Variants in TBC1D5 observed in about 807,000 individuals in gnomAD.
TBC1D5 encodes the protein TBC1 domain family member 5.
A neutral mutation model predicts 100.3 loss-of-function variants in TBC1D5; 75 were observed. That is an observed-to-expected ratio of 0.75 (90% CI 0.62 to 0.91). The LOEUF (loss-of-function observed/expected upper bound fraction) is 0.91, where lower values mean the gene tolerates loss of function less well. Among genes scored for constraint, TBC1D5 ranks in the 40% least tolerant of loss-of-function variants. The pLI is 0.00. For synonymous variants in TBC1D5, 323 were observed against 325.6 expected (o/e 0.99, Z 0.09); for missense variants, 910 against 942.4 (o/e 0.97, Z 0.45).
intron 1 of TBC1D5, among the ~76,000 whole-genome samples, chr3:17,721,385 A>T (rs1207769626): frequency 6.6e-6 from 1 of 152,174 alleles, no homozygotes; most frequent in Non-Finnish European, 1.5e-5. Flanking sequence ...ATATTAAAAA[A>T]TTCAGGTTTA....
At chr3:17,721,004 T>C (rs1487400777) in intron 1 of TBC1D5, among the ~76,000 whole-genome samples, 1 of 151,742 alleles carries the variant, frequency 6.6e-6, no homozygotes, top group Admixed American at 6.6e-5. Context: ...AACGCCTGAG[T>C]AATTTTTGTA....
chr3:17,514,118 G>T (rs1376494037), intron 2 of TBC1D5, among the ~76,000 whole-genome samples: 8 of 152,120 alleles, frequency 5.3e-5, no homozygotes, highest in Non-Finnish European at 1.0e-4. Context: ...GATCTTTAAT[G>T]CAAGAGGGTT....
chr3:17,612,545 C>T (rs1430380570), intron 2 of TBC1D5, among the ~76,000 whole-genome samples: 1 of 151,478 alleles, frequency 6.6e-6, no homozygotes, highest in Non-Finnish European at 1.5e-5. Flanking sequence ...CAGGAGAATA[C>T]CTTGAACCCG....
At chr3:17,600,717 T>C (rs2153589698) in intron 2 of TBC1D5, among the ~76,000 whole-genome samples, 1 of 152,330 alleles carries the variant, frequency 6.6e-6, no homozygotes, top group Admixed American at 6.5e-5. Context: ...TAATATTTTC[T>C]ATTTTGGATT....
chr3:17,544,042 A>AT (rs1004591764), intron 2 of TBC1D5, among the ~76,000 whole-genome samples: 10 of 151,484 alleles, frequency 6.6e-5, no homozygotes, highest in Non-Finnish European at 1.5e-4. Context: ...TAATTTTTGT[A>AT]TTTTTTTAGT....
chr3:17,522,023 A>G (rs1270262160), intron 2 of TBC1D5, among the ~76,000 whole-genome samples: 1 of 152,138 alleles, frequency 6.6e-6, no homozygotes, highest in Non-Finnish European at 1.5e-5. Context: ...TTCCAATTGT[A>G]GTAGAAGACT....
intron 1 of TBC1D5, among the ~76,000 whole-genome samples, chr3:17,656,964 T>C (rs993747314): frequency 6.6e-6 from 1 of 152,134 alleles, no homozygotes; most frequent in African/African-American, 2.4e-5. Context: ...GGGAAAGTCA[T>C]TATCCTATGA....
intron 19 of TBC1D5, among the ~76,000 whole-genome samples, chr3:17,177,597 A>G (rs1265729437): frequency 1.3e-5 from 2 of 152,170 alleles, no homozygotes; most frequent in Non-Finnish European, 2.9e-5. Context: ...TAAATAATTT[A>G]AGTTCTCTTA....
intron 3 of TBC1D5, among the ~76,000 whole-genome samples, chr3:17,501,364 T>A (rs941520894): frequency 6.7e-6 from 1 of 149,598 alleles, no homozygotes; most frequent in Non-Finnish European, 1.5e-5. Context: ...TTAAGAGATG[T>A]GATAAAAGAC....
At chr3:17,310,247 T>A (rs1414614199) in intron 13 of TBC1D5, among the ~76,000 whole-genome samples, 2 of 151,916 alleles carry the variant, frequency 1.3e-5, no homozygotes, top group East Asian at 3.9e-4. Context: ...GAAGGTTAAC[T>A]GCAAACATCT....
chr3:17,199,340 T>C (rs2071152980), intron 18 of TBC1D5, among the ~76,000 whole-genome samples: 1 of 152,220 alleles, frequency 6.6e-6, no homozygotes, highest in Non-Finnish European at 1.5e-5. Flanking sequence ...AAAATGATAT[T>C]ATAGTTTGAC....
chr3:17,376,435 C>G, intron 10 of TBC1D5, 90 bp downstream of exon 10: 1 of 1,074,526 alleles, frequency 9.3e-7, no homozygotes, highest in South Asian at 1.5e-5. Flanking sequence ...TTGTAAGTAC[C>G]TTCCATTTAG....
At chr3:17,487,223 C>T (rs976595446) in intron 3 of TBC1D5, among the ~76,000 whole-genome samples, 11 of 151,910 alleles carry the variant, frequency 7.2e-5, no homozygotes, top group South Asian at 2.1e-4. Context: ...GTTTGTTGAC[C>T]GCTATTCTAG....
chr3:17,692,886 T>C (rs1202261198), intron 1 of TBC1D5, among the ~76,000 whole-genome samples: 4 of 152,190 alleles, frequency 2.6e-5, no homozygotes, highest in East Asian at 1.9e-4. Context: ...TCCCAGCACT[T>C]TGGGAAGCCA....
At chr3:17,625,605 T>A (rs1485377495) in intron 1 of TBC1D5, among the ~76,000 whole-genome samples, 2 of 152,112 alleles carry the variant, frequency 1.3e-5, no homozygotes, top group Non-Finnish European at 2.9e-5. Context: ...TTCCTAACTA[T>A]AACATTTATG....
At chr3:17,238,521 G>T in intron 16 of TBC1D5, 102 bp from the exon 17 acceptor site, 2 of 1,331,564 alleles carry the variant, frequency 1.5e-6, no homozygotes, top group South Asian at 1.7e-5. Flanking sequence ...TTTGAAAAAG[G>T]TCATTTACTA....
intron 2 of TBC1D5, among the ~76,000 whole-genome samples, chr3:17,534,465 A>C (rs910010055): frequency 1.3e-5 from 2 of 152,186 alleles, no homozygotes; most frequent in Admixed American, 6.5e-5. Flanking sequence ...TCTTCTTTTT[A>C]CCTGTTCCTT....
At chr3:17,655,638 C>T (rs958669432) in intron 1 of TBC1D5, among the ~76,000 whole-genome samples, 4 of 151,884 alleles carry the variant, frequency 2.6e-5, no homozygotes, top group African/African-American at 9.7e-5. Context: ...ATCCCTAATC[C>T]GAAAATCTGA....
At chr3:17,352,248 C>A (rs1212254005) in intron 13 of TBC1D5, among the ~76,000 whole-genome samples, 2 of 152,006 alleles carry the variant, frequency 1.3e-5, no homozygotes, top group Non-Finnish European at 2.9e-5. Flanking sequence ...ATTATTCTGA[C>A]AGTTTCTAAG....
Sources: allele counts gnomAD v4.1 joint callset (sites outside exome capture counted in the v4.1 genomes callset), GRCh38; gene constraint gnomAD v4.1.1; transcripts MANE v1.5; gene names NCBI Gene and HGNC (gene_info 2026-07-23, HGNC 2026-07-21).